Variants in GATA4 observed in about 807,000 individuals in gnomAD.
GATA4 encodes GATA binding protein 4, also known as transcription factor GATA-4.
In GATA4, 7 loss-of-function variants were observed where a neutral mutation model predicts 37.9. The ratio of observed to expected loss-of-function variants is 0.18; its 90% confidence interval spans 0.11 to 0.35. The LOEUF is 0.35. Ranked by LOEUF, GATA4 falls within the 10% of genes least tolerant of loss-of-function variation. GATA4 has a pLI of 1.00. For synonymous variants in GATA4, 372 were observed against 292.6 expected, an observed-to-expected ratio of 1.27 and a Z score of -2.77; for missense variants, 647 against 653.0, an observed-to-expected ratio of 0.99 and a Z score of 0.10.
Position 11,709,140 on chromosome 8 carries a change from C to G in GATA4, c.616+212C>G, listed in dbSNP as rs1800047384. ...GCTTCTGTGGAAGGGGCCGGGCCTG[C>G]CCGCCGGGGCCTCTTCTGAGATGGT... On this transcript the variant is annotated intron_variant, in intron 2 of 6. Coordinates refer to ENST00000532059, the MANE Select transcript of GATA4 (RefSeq NM_001308093.3). This position sits in a 1 kb window ranked among gnomAD's most constrained non-coding sequence, Gnocchi z 4.3. Among the ~76,000 whole-genome samples, 1 of 152,222 alleles carries G rather than the reference C, an allele frequency of 6.6e-6. No homozygotes were observed. Among genetic ancestry groups the G allele is most frequent in the Admixed American group, 6.5e-5 (1 of 15,292 alleles).
intron 2 of GATA4, among the ~76,000 whole-genome samples, chr8:11,747,407 C>T (rs866400796): frequency 2.6e-5 from 4 of 152,108 alleles, no homozygotes; most frequent in South Asian, 2.1e-4. Flanking sequence ...GTGAAGGGAG[C>T]GGCAGACCCC....
upstream of GATA4, among the ~76,000 whole-genome samples, chr8:11,691,456 A>G (rs1799311101): frequency 6.6e-6 from 1 of 152,138 alleles, no homozygotes; most frequent in African/African-American, 2.4e-5. Context: ...ACGTGCCACC[A>G]CAACCCGCTA....
chr8:11,734,165 T>C (rs371678813), intron 2 of GATA4, among the ~76,000 whole-genome samples: 40 of 152,340 alleles, frequency 2.6e-4, no homozygotes, highest in Middle Eastern at 3.4e-3. Context: ...ATATCTCCTA[T>C]ATCCTAGATA....
At chr8:11,703,560 G>A (rs1310190930), upstream of GATA4, among the ~76,000 whole-genome samples, 5 of 152,372 alleles carry the variant, frequency 3.3e-5, no homozygotes, top group African/African-American at 1.2e-4. Flanking sequence ...GAGATGGGAA[G>A]TGTCGCCAGG....
At chr8:11,677,701 G>C (rs1031176607) in intron 1 of GATA4, among the ~76,000 whole-genome samples, 7 of 152,176 alleles carry the variant, frequency 4.6e-5, no homozygotes, top group African/African-American at 1.7e-4. Flanking sequence ...AGAGCTCTCA[G>C]AGTCGGATAC....
chr8:11,743,870 A>T (rs1427897530), intron 2 of GATA4, among the ~76,000 whole-genome samples: 1 of 152,182 alleles, frequency 6.6e-6, no homozygotes, highest in Non-Finnish European at 1.5e-5. Flanking sequence ...AGACTATCAG[A>T]CTTTGTTTCC....
chr8:11,716,368 C>T (rs1425151332), intron 2 of GATA4, among the ~76,000 whole-genome samples: 2 of 151,910 alleles, frequency 1.3e-5, no homozygotes, highest in African/African-American at 4.8e-5. Flanking sequence ...AGGAAAACTG[C>T]TTTAAGGCAT....
At chr8:11,677,313 C>G (rs1035017090) in intron 1 of GATA4, among the ~76,000 whole-genome samples, 1 of 152,210 alleles carries the variant, frequency 6.6e-6, no homozygotes, top group Non-Finnish European at 1.5e-5. Flanking sequence ...CGCCGGGCTT[C>G]CTTCCCACTT....
chr8:11,756,445 G>A (rs1001676327), intron 5 of GATA4: 5 of 226,546 alleles, frequency 2.2e-5, no homozygotes, highest in Admixed American at 1.0e-4. Context: ...CGGTTCAGGC[G>A]CACGATTCCC....
rs1363109859 is a variant in GATA4 at position 11,758,636 on chromosome 8, C to T, written c.*161C>T. On this transcript the variant is annotated 3_prime_UTR_variant, in exon 7 of 7. Coordinates refer to ENST00000532059, the MANE Select transcript of GATA4 (RefSeq NM_001308093.3). ...AAGTCGACAATCTGGTTAGGGGAAGCGGGTGTTGGATTTTCTCAGATGCCT... is the reference window on the plus strand; with the variant it reads ...AAGTCGACAATCTGGTTAGGGGAAGTGGGTGTTGGATTTTCTCAGATGCCT... 7 of 735,252 alleles carry T rather than the reference C, an allele frequency of 9.5e-6. No homozygotes were observed. The highest frequency in any genetic ancestry group is 4.7e-5 in the South Asian group (3 of 63,900). 45.5% of individuals were successfully genotyped at this position (735,252 alleles called of 1,614,324 possible).
At chr8:11,684,590 C>G (rs73535993) in intron 1 of GATA4, among the ~76,000 whole-genome samples, 2,010 of 152,294 alleles carry the variant, frequency 0.013, 54 homozygotes, top group African/African-American at 0.046. Flanking sequence ...GATTTGAATT[C>G]CATCTCCTCC....
chr8:11,728,250 A>C (rs1459246641), intron 2 of GATA4, among the ~76,000 whole-genome samples: 5 of 152,254 alleles, frequency 3.3e-5, no homozygotes, highest in Non-Finnish European at 5.9e-5. Flanking sequence ...TGACCTCCCA[A>C]AGTGTTGGGA....
At chr8:11,734,814 A>G (rs940503458) in intron 2 of GATA4, among the ~76,000 whole-genome samples, 4 of 152,134 alleles carry the variant, frequency 2.6e-5, no homozygotes, top group Non-Finnish European at 4.4e-5. Flanking sequence ...TAAGGGTACT[A>G]ATCCCATTCA....
intron 1 of GATA4, among the ~76,000 whole-genome samples, chr8:11,705,065 A>AG (rs977009297): frequency 5.3e-5 from 8 of 152,160 alleles, no homozygotes; most frequent in Middle Eastern, 3.4e-3. Flanking sequence ...CCGTGGGCAG[A>AG]GGGGGGTGCC....
At position 11,708,981 on chromosome 8, in the gene GATA4, T is replaced by A. The variant is rs1262948799; in HGVS notation, c.616+53T>A. 1.3e-6 allele frequency: 2 copies of A among 1,491,424 alleles called. No homozygotes were observed. Among genetic ancestry groups the A allele is most frequent in the Non-Finnish European group, 1.8e-6 (2 of 1,125,610 alleles). 92.4% of individuals were successfully genotyped at this position (1,491,424 alleles called of 1,614,324 possible). A position where few individuals can be genotyped will look rare whatever the true frequency, so the allele number is the denominator to read the frequency against. ...CGTGAGGGCCGGGGCAGGGGCCGTC[T>A]TGAGCCCTGTCGAGGGCCTCTTGTT... On this transcript the variant is annotated intron_variant, in intron 2 of 6. Transcript: ENST00000532059. The surrounding 1 kb of genome is among the most constrained non-coding windows in gnomAD (Gnocchi z 6.7).
chr8:11,750,001 G>A, intron 3 of GATA4, 110 bp from the exon 4 acceptor site: 1 of 1,507,490 alleles, frequency 6.6e-7, no homozygotes, highest in Non-Finnish European at 9.1e-7. Context: ...GGTCGTTAGG[G>A]CCCAGCCCTG....
chr8:11,706,341 A>G (rs1193595739), intron 1 of GATA4, among the ~76,000 whole-genome samples: 1 of 152,242 alleles, frequency 6.6e-6, no homozygotes, highest in Non-Finnish European at 1.5e-5. Context: ...TTATTATAGT[A>G]TATACATTTG....
chr8:11,678,345 A>C (rs1162975277), intron 1 of GATA4, among the ~76,000 whole-genome samples: 1 of 152,154 alleles, frequency 6.6e-6, no homozygotes, highest in Non-Finnish European at 1.5e-5. Flanking sequence ...CCCTTTGACT[A>C]TCTTTCCATC....
intron 1 of GATA4, chr8:11,680,561 G>A: frequency 1.0e-6 from 1 of 985,390 alleles, no homozygotes; most frequent in East Asian, 1.1e-4. Flanking sequence ...GTCGCACGCT[G>A]GTGGGCCAGG....
Sources: gnomAD v4.1 joint callset for allele counts (sites outside exome capture counted in the v4.1 genomes callset) on GRCh38, gnomAD v4.1.1 for gene constraint, Gnocchi (gnomAD v3.1) non-coding constraint, MANE v1.5 for transcripts, NCBI Gene and HGNC (gene_info 2026-07-23, HGNC 2026-07-21) for gene names.